Variants in DGKH observed in about 807,000 individuals in gnomAD.
DGKH encodes the protein DAG kinase eta.
A neutral mutation model predicts 159.3 loss-of-function variants in DGKH; 90 were observed. That is an observed-to-expected ratio of 0.57 (90% CI 0.48 to 0.67). The LOEUF is 0.67. Ranked by LOEUF, DGKH falls within the 30% of genes least tolerant of loss-of-function variation. DGKH has a pLI of 0.00. For missense variants in DGKH, 1,181 were observed against 1,506.1 expected, an observed-to-expected ratio of 0.78 and a Z score of 3.57; for synonymous variants, 536 against 553.8, an observed-to-expected ratio of 0.97 and a Z score of 0.45.
At chr13:42,205,775 G>A (rs930944265) in intron 20 of DGKH, among the ~76,000 whole-genome samples, 5 of 152,094 alleles carry the variant, frequency 3.3e-5, no homozygotes, top group African/African-American at 1.2e-4. Flanking sequence ...TTCAAGAAAA[G>A]GACTCCCTGG....
At chr13:42,126,193 A>G (rs930578800) in intron 1 of DGKH, among the ~76,000 whole-genome samples, 2 of 152,206 alleles carry the variant, frequency 1.3e-5, no homozygotes, top group Admixed American at 6.5e-5. Context: ...GGGACCTTAT[A>G]TTCTAATAGG....
At chr13:42,127,874 G>A (rs1031952328) in intron 2 of DGKH, among the ~76,000 whole-genome samples, 3 of 151,986 alleles carry the variant, frequency 2.0e-5, no homozygotes, top group East Asian at 1.9e-4. Flanking sequence ...TGTAATAAAC[G>A]CAACATTCTG....
chr13:42,151,766 G>T (rs9533014), intron 3 of DGKH, among the ~76,000 whole-genome samples: 35,136 of 151,568 alleles, frequency 0.23, 4,357 homozygotes, highest in Middle Eastern at 0.31. Context: ...ATAAGTGCAG[G>T]TATCTTTTTA....
Position 42,048,891 on chromosome 13 carries a change from G to T in DGKH, c.118G>T (p.Asp40Tyr), listed in dbSNP as rs1881000438. 7.3e-7 allele frequency: 1 copy of T among 1,374,094 alleles called. No homozygotes were observed. Among genetic ancestry groups the T allele is most frequent in the South Asian group, 2.0e-5 (1 of 50,386 alleles). 85.1% of individuals were successfully genotyped at this position (1,374,094 alleles called of 1,614,324 possible). The change falls in exon 1 of 30, where the codon GAC (aspartate) becomes TAC (tyrosine). Residue 40 changes from aspartate to tyrosine, a missense_variant. Asp to Tyr is a radical substitution (Grantham distance 160). Around this residue, in one of 5 missense-constraint regions of DGKH, gnomAD observed 136 missense variants for 132.2 expected, o/e 1.03. Coordinates refer to ENST00000337343, the MANE Select transcript of DGKH (RefSeq NM_178009.5). This position sits in a 1 kb window ranked among gnomAD's most constrained non-coding sequence, Gnocchi z 6.7. ...GGCGGGGCCGGGAGAGGATTCGTCT[G>T]ACAGCGAAGCGGAGCAAGAGGGACC... ...ASAGPGEDSS[D>Y]SEAEQEGPQK...
intron 23 of DGKH, among the ~76,000 whole-genome samples, 194 bp from the exon 24 acceptor site, chr13:42,210,408 G>A (rs887197426): frequency 2.6e-5 from 4 of 152,052 alleles, no homozygotes; most frequent in Non-Finnish European, 5.9e-5. Flanking sequence ...TTTAAATGAT[G>A]TATTCATGAT....
intron 3 of DGKH, among the ~76,000 whole-genome samples, chr13:42,151,559 G>GTGTATATATA (rs1955895381): frequency 1.6e-5 from 1 of 62,070 alleles, no homozygotes; most frequent in African/African-American, 7.6e-5. Flanking sequence ...GTGTATATAT[G>GTGTATATATA]TAGTTTCACT....
At chr13:42,164,236 G>T (rs1184047521) in intron 7 of DGKH, among the ~76,000 whole-genome samples, 1 of 152,088 alleles carries the variant, frequency 6.6e-6, no homozygotes, top group Non-Finnish European at 1.5e-5. Flanking sequence ...TACCTTTTCT[G>T]TAAAAATTGT....
At chr13:42,148,503 A>G (rs572650692) in intron 3 of DGKH, among the ~76,000 whole-genome samples, 13 of 152,198 alleles carry the variant, frequency 8.5e-5, no homozygotes. Context: ...CTGCACCCCT[A>G]ACTCATGCCC....
Position 42,127,371 on chromosome 13 carries a change from A to C in DGKH, c.193-92A>C, listed in dbSNP as rs1245054030. 3 of 888,736 alleles carry C rather than the reference A, an allele frequency of 3.4e-6. No individual in the cohort carries two copies. The African/African-American group carries it at 5.1e-5, about 15-fold the overall frequency. 55.1% of individuals were successfully genotyped at this position (888,736 alleles called of 1,614,324 possible). A position where few individuals can be genotyped will look rare whatever the true frequency, so the allele number is the denominator to read the frequency against. On this transcript the variant is annotated intron_variant, in intron 1 of 29. Transcript: ENST00000337343. ...TTGTAAGACATGAGAAATATTATTC[A>C]AAATGTTAATGAAAATGCACCATTG...
At chr13:42,176,038 C>A (rs150464479) in intron 12 of DGKH, among the ~76,000 whole-genome samples, 2 of 152,070 alleles carry the variant, frequency 1.3e-5, no homozygotes, top group Non-Finnish European at 2.9e-5. Context: ...CCTTTCTGAC[C>A]GTGCTAAGTG....
chr13:42,174,001 A>T, intron 11 of DGKH, 59 bp from the exon 12 acceptor site: 1 of 1,303,688 alleles, frequency 7.7e-7, no homozygotes, highest in Non-Finnish European at 1.1e-6. Context: ...ATGAGATGCT[A>T]ACAGTTAGTT....
chr13:42,214,440 A>G (rs763547395), intron 24 of DGKH, 67 bp from the exon 25 acceptor site: 12 of 1,483,378 alleles, frequency 8.1e-6, no homozygotes, highest in African/African-American at 1.4e-5. Context: ...TAACATTTCT[A>G]TACTTCAAAA....
intron 1 of DGKH, among the ~76,000 whole-genome samples, chr13:42,109,796 C>T (rs1251035032): frequency 6.6e-6 from 1 of 152,130 alleles, no homozygotes; most frequent in East Asian, 1.9e-4. Flanking sequence ...AGGACACTCA[C>T]ATTTGATTCT....
chr13:42,129,495 A>G, intron 2 of DGKH, 57 bp from the exon 3 acceptor site: 1 of 1,403,728 alleles, frequency 7.1e-7, no homozygotes, highest in Non-Finnish European at 9.9e-7. Context: ...AAATGTATTG[A>G]AGAGCATTGA....
chr13:42,149,815 A>T (rs1955831116), intron 3 of DGKH, among the ~76,000 whole-genome samples: 1 of 152,218 alleles, frequency 6.6e-6, no homozygotes, highest in Admixed American at 6.5e-5. Context: ...CGTGATGGAG[A>T]ATAAAAGGGG....
chr13:42,173,056 C>G (rs1566157301), intron 11 of DGKH, among the ~76,000 whole-genome samples: 1 of 152,066 alleles, frequency 6.6e-6, no homozygotes, highest in Non-Finnish European at 1.5e-5. Context: ...ACTGCAACCT[C>G]CACCTCCCAG....
intron 3 of DGKH, among the ~76,000 whole-genome samples, chr13:42,151,512 C>T (rs546857547): frequency 0.028 from 2,795 of 100,082 alleles, 94 homozygotes; most frequent in East Asian, 0.12. Context: ...TGTGTATACA[C>T]ATGTATATAT....
chr13:42,164,784 G>T (rs1023231554), intron 7 of DGKH, among the ~76,000 whole-genome samples: 1 of 152,116 alleles, frequency 6.6e-6, no homozygotes, highest in African/African-American at 2.4e-5. Flanking sequence ...GAGAAAATAA[G>T]CATGGGGGTA....
Position 42,215,576 on chromosome 13 carries a change from G to C in DGKH, c.3122G>C (p.Ser1041Thr), listed in dbSNP as rs754607447. ...GTCTTTGATATTCTTCTTTTCTAGA[G>C]TCTTACAAGAGACACTGCCACTGAA... ...LNKANPRCPE[S>T]LTRDTATEIA... The change falls in exon 26 of 30, where the codon AGT (serine) becomes ACT (threonine). Residue 1041 changes from serine to threonine, a missense_variant and splice_region_variant. By Grantham distance (58) the Ser-to-Thr change is moderately conservative. This residue lies in a region of DGKH where 335 missense variants were observed against 495.2 expected (regional missense o/e 0.68). Transcript: ENST00000337343. 6.2e-7 allele frequency: 1 copy of C among 1,606,792 alleles called. No homozygotes were observed. Among genetic ancestry groups the C allele is most frequent in the Non-Finnish European group, 8.5e-7 (1 of 1,175,274 alleles).
Sources: gnomAD v4.1 joint callset for allele counts (sites outside exome capture counted in the v4.1 genomes callset) on GRCh38, gnomAD v4.1.1 for gene constraint, gnomAD v4.1.1 regional missense constraint, Gnocchi (gnomAD v3.1) non-coding constraint, MANE v1.5 for transcripts, NCBI Gene and HGNC (gene_info 2026-07-23, HGNC 2026-07-21) for gene names.